The following ST3GAL3 variants were observed in gnomAD, a reference collection of about 807,000 sequenced individuals.
ST3GAL3 encodes ST3 beta-galactoside alpha-2,3-sialyltransferase 3.
ST3GAL3 carries 21 observed loss-of-function variants against 50.1 expected under a neutral mutation model. The ratio of observed to expected loss-of-function variants is 0.42; its 90% CI spans 0.30 to 0.60. ST3GAL3 has a LOEUF of 0.60. Among genes scored for constraint, ST3GAL3 ranks in the 20% least tolerant of loss-of-function variants. ST3GAL3 has a pLI of 0.19. For synonymous variants in ST3GAL3, 183 were observed against 190.0 expected (o/e 0.96, Z 0.30); for missense variants, 353 against 489.4 (o/e 0.72, Z 2.63).
chr1:43,811,680 C>A (rs914676518), intron 3 of ST3GAL3, among the ~76,000 whole-genome samples: 2 of 152,182 alleles, frequency 1.3e-5, no homozygotes, highest in Non-Finnish European at 2.9e-5. Flanking sequence ...CTGCAGCCAG[C>A]CCGCCCATTG....
intron 2 of ST3GAL3, among the ~76,000 whole-genome samples, chr1:43,745,327 A>G (rs1197693921): frequency 1.3e-5 from 2 of 152,232 alleles, no homozygotes; most frequent in African/African-American, 4.8e-5. Flanking sequence ...ACAAGGTTAT[A>G]TTTGTGAAAA....
chr1:43,919,706 G>GCTGGGTC, intron 9 of ST3GAL3: 1 of 154,652 alleles, frequency 6.5e-6, no homozygotes, highest in Non-Finnish European at 1.4e-5. Flanking sequence ...GAGGAAGAGA[G>GCTGGGTC]AGACTTGAAA....
In ST3GAL3 at chr1:43,897,997, G is replaced by A. The variant is rs142951093; in HGVS notation, c.398-238G>A. On this transcript the variant is annotated intron_variant, in intron 6 of 11. Transcript: ENST00000347631. ...CCCAGAAGCCTGGGAGAGAAGCTGC[G>A]TGCCAGTGTTAGGGACGGGCTCCCG... Among the ~76,000 whole-genome samples, 512 of 152,270 alleles carry A rather than the reference G, an allele frequency of 3.4e-3. 4 individuals carry two copies. Among genetic ancestry groups the A allele is most frequent in the African/African-American group, 0.012 (484 of 41,540 alleles).
chr1:43,930,181 T>C lies in ST3GAL3; in HGVS notation c.1088T>C (p.Val363Ala). Residue 363 changes from valine (V) to alanine (A), a missense_variant, in exon 12 of 12, where the codon GTG (valine) becomes GCG (alanine). Physicochemically the swap from Val to Ala is moderately conservative, Grantham distance 64. Transcript: ENST00000347631. ...GAGAAAGAGTTTCTGCGGAAGCTGG[T>C]GAAAGCTCGCGTCATCACTGATCTA... ...QREKEFLRKL[V>A]KARVITDLSS... The C allele has an allele frequency of 6.2e-7, 1 of 1,614,042 alleles. No homozygotes were observed. Among genetic ancestry groups the C allele is most frequent in the Non-Finnish European group, 8.5e-7 (1 of 1,180,036 alleles).
intron 1 of ST3GAL3, among the ~76,000 whole-genome samples, chr1:43,726,722 G>A (rs1673096099): frequency 6.6e-6 from 1 of 152,190 alleles, no homozygotes; most frequent in African/African-American, 2.4e-5. Context: ...AGCCACACAA[G>A]TAGCTGAGAT....
At chr1:43,814,326 A>T (rs2060978647) in intron 3 of ST3GAL3, among the ~76,000 whole-genome samples, 1 of 152,256 alleles carries the variant, frequency 6.6e-6, no homozygotes, top group African/African-American at 2.4e-5. Context: ...CAAAGAACTT[A>T]AATAAATTAC....
At chr1:43,786,964 G>A (rs549419280) in intron 2 of ST3GAL3, among the ~76,000 whole-genome samples, 7 of 152,310 alleles carry the variant, frequency 4.6e-5, no homozygotes, top group African/African-American at 1.4e-4. Flanking sequence ...TACCCCAAAA[G>A]GTAGCTCATT....
intron 5 of ST3GAL3, chr1:43,842,297 T>C (rs981862736): frequency 2.0e-5 from 3 of 152,124 alleles, no homozygotes; most frequent in African/African-American, 7.2e-5. Flanking sequence ...TTTTTAGATA[T>C]CTTTCTAACA....
intron 4 of ST3GAL3, among the ~76,000 whole-genome samples, chr1:43,825,095 G>A (rs958265279): frequency 6.6e-6 from 1 of 152,140 alleles, no homozygotes; most frequent in African/African-American, 2.4e-5. Flanking sequence ...ATTGGGCTCA[G>A]GTACCTTTAT....
rs926518304 is a variant in ST3GAL3, at chr1:43,736,479, A to G, written c.118+99A>G. 3.1e-5 allele frequency: 49 copies of G among 1,606,460 alleles called. No individual in the cohort carries two copies. The African/African-American group carries it at 5.3e-4, about 18-fold the overall frequency. On this transcript the variant is annotated intron_variant, in intron 2 of 11. Coordinates refer to ENST00000347631, the MANE Select transcript of ST3GAL3 (RefSeq NM_006279.5). ...GTCTCATATTCTTCAGAGATGGGCA[A>G]TGAGAGTAAACTGAACATTTCTGGG...
rs75485346 is a variant in ST3GAL3, at chr1:43,894,227, G to A, written c.303-156G>A. The stretch of plus-strand genomic sequence containing the variant: ...CTGAACAAGATCTGTCAAACCCCTC[G>A]ACAGCTACCCAGTGAACAGGCTGGG... On this transcript the variant is annotated intron_variant, in intron 5 of 11. Transcript: ENST00000347631. 1,034 of 747,152 alleles carry A rather than the reference G, an allele frequency of 1.4e-3. 6 individuals are homozygous for A. The African/African-American group carries it at 0.015, about 11-fold the overall frequency. 46.3% of individuals were successfully genotyped at this position (747,152 alleles called of 1,614,324 possible). A position where few individuals can be genotyped will look rare whatever the true frequency, so the allele number is the denominator to read the frequency against.
intron 5 of ST3GAL3, among the ~76,000 whole-genome samples, chr1:43,890,040 C>G (rs548348313): frequency 6.6e-6 from 1 of 152,194 alleles, no homozygotes; most frequent in East Asian, 1.9e-4. Flanking sequence ...TGCTTGAGCC[C>G]AAGAGTTTGA....
At position 43,710,834 on chromosome 1, in the gene ST3GAL3, T is replaced by G. The variant is rs538756759; in HGVS notation, c.-31+3141T>G. Among the ~76,000 whole-genome samples, 25 of 152,366 alleles carry G rather than the reference T, an allele frequency of 1.6e-4. No individual in the cohort carries two copies. In the East Asian group the frequency reaches 4.8e-3, roughly 29 times the overall value. On this transcript the variant is annotated intron_variant, in intron 1 of 11. Transcript: ENST00000347631. The stretch of plus-strand genomic sequence containing the variant: ...ATCTAGATGAGCTGTCTCTCTTCTT[T>G]AAGTTTAAACCACCATAACATTAGA...
In ST3GAL3 at chr1:43,825,149, A is replaced by G. The variant is rs967340542; in HGVS notation, c.209+10216A>G. On this transcript the variant is annotated intron_variant, in intron 4 of 11. Transcript: ENST00000347631. ...ATTATTCTAATATGTCAGGGTCAAG[A>G]ACCATGAAGCAACCTCAGGCCTGTC... is the stretch of plus-strand genomic sequence containing the variant. Among the ~76,000 whole-genome samples the G allele has an allele frequency of 8.5e-5, 13 of 152,340 alleles. No homozygotes were observed. The East Asian group carries it at 2.3e-3, about 27-fold the overall frequency.
intron 2 of ST3GAL3, among the ~76,000 whole-genome samples, chr1:43,776,834 T>A (rs1697431420): frequency 6.6e-6 from 1 of 152,196 alleles, no homozygotes; most frequent in African/African-American, 2.4e-5. Flanking sequence ...AATGGAAATA[T>A]TATAAATTGC....
chr1:43,816,785 A>G (rs2061300908), intron 4 of ST3GAL3, among the ~76,000 whole-genome samples: 1 of 152,222 alleles, frequency 6.6e-6, no homozygotes, highest in African/African-American at 2.4e-5. Flanking sequence ...CTTGGTCTTT[A>G]GCACAGTAAA....
chr1:43,803,593 T>C (rs1313353100), intron 3 of ST3GAL3, among the ~76,000 whole-genome samples: 2 of 152,192 alleles, frequency 1.3e-5, no homozygotes, highest in African/African-American at 2.4e-5. Flanking sequence ...CATTATTACA[T>C]GTATTCACAC....
intron 3 of ST3GAL3, among the ~76,000 whole-genome samples, chr1:43,807,831 C>T (rs2060079234): frequency 6.6e-6 from 1 of 152,166 alleles, no homozygotes; most frequent in African/African-American, 2.4e-5. Flanking sequence ...GGAATTCTCT[C>T]AGGTTTCAAG....
intron 1 of ST3GAL3, chr1:43,719,158 G>A (rs1353690239): frequency 6.6e-6 from 1 of 152,212 alleles, no homozygotes; most frequent in Non-Finnish European, 1.5e-5. Flanking sequence ...AAATCACATG[G>A]TAATTTGAAC....
Sources: gnomAD v4.1 joint callset for allele counts (sites outside exome capture counted in the v4.1 genomes callset) on GRCh38, gnomAD v4.1.1 for gene constraint, MANE v1.5 for transcripts, NCBI Gene and HGNC (gene_info 2026-07-23, HGNC 2026-07-21) for gene names.